Variants in PLA2R1 observed in about 807,000 individuals in gnomAD.
The protein encoded by PLA2R1 is secretory phospholipase A2 receptor.
In PLA2R1, 158 loss-of-function variants were observed where a neutral mutation model predicts 195.9. The ratio of observed to expected loss-of-function variants is 0.81; its 90% CI spans 0.71 to 0.92. The LOEUF is 0.92. PLA2R1 is among the 40% of genes least tolerant of loss of function. PLA2R1 has a pLI of 0.00. For missense variants in PLA2R1, 1,626 were observed against 1,764.6 expected, an observed-to-expected ratio of 0.92 and a Z score of 1.41; for synonymous variants, 586 against 598.2, an observed-to-expected ratio of 0.98 and a Z score of 0.30.
At chr2:159,989,484 A>G (rs914038276) in intron 11 of PLA2R1, among the ~76,000 whole-genome samples, 2 of 152,218 alleles carry the variant, frequency 1.3e-5, no homozygotes, top group Non-Finnish European at 2.9e-5. Context: ...ACTGCACAGC[A>G]CAGGCAGGAA....
intron 25 of PLA2R1, among the ~76,000 whole-genome samples, chr2:159,948,189 T>C (rs1206361027): frequency 6.6e-6 from 1 of 152,170 alleles, no homozygotes; most frequent in East Asian, 1.9e-4. Context: ...TTTCTTTATC[T>C]ATAAAAGAGA....
chr2:160,042,229 A>T, intron 2 of PLA2R1, 31 bp from the exon 3 acceptor site: 1 of 1,590,642 alleles, frequency 6.3e-7, no homozygotes, highest in Non-Finnish European at 8.6e-7. Flanking sequence ...AAGTCAGATA[A>T]GTATGATGTC....
chr2:159,947,863 T>C (rs1687483880), intron 25 of PLA2R1, among the ~76,000 whole-genome samples: 2 of 151,560 alleles, frequency 1.3e-5, no homozygotes, highest in African/African-American at 4.8e-5. Context: ...ATCCTAAAGG[T>C]TGGAACAAGC....
rs1686648916 is a variant in PLA2R1, at chr2:159,932,927, T to C, written c.*8851A>G. 6.6e-6 allele frequency: 1 copy of C among 151,310 alleles called. No homozygotes were observed. The highest frequency in any genetic ancestry group is 1.5e-5 in the Non-Finnish European group (1 of 67,910). The allele number at this position is 151,310 out of a possible 1,614,324, so 9.4% of individuals were successfully genotyped here. On this transcript the variant is annotated 3_prime_UTR_variant, in exon 30 of 30. Transcript: ENST00000283243. ...GGGAGAAACAGAAACACATTTTACA[T>C]TAATCTTGAAAAATCAATTTCCATT...
At chr2:160,055,602 C>A (rs1163097166) in intron 1 of PLA2R1, among the ~76,000 whole-genome samples, 2 of 152,184 alleles carry the variant, frequency 1.3e-5, no homozygotes, top group African/African-American at 4.8e-5. Flanking sequence ...ACAGAATGAA[C>A]CACACCATGG....
downstream of PLA2R1, among the ~76,000 whole-genome samples, chr2:159,928,271 A>G (rs368085177): frequency 2.1e-4 from 32 of 152,192 alleles, no homozygotes; most frequent in African/African-American, 6.5e-4. Context: ...CACCATGACA[A>G]GTTCCTCAGG....
intron 25 of PLA2R1, among the ~76,000 whole-genome samples, chr2:159,947,829 G>A (rs749646362): frequency 1.3e-5 from 2 of 152,140 alleles, no homozygotes; most frequent in Non-Finnish European, 2.9e-5. Flanking sequence ...GGGTGAGGGT[G>A]GCTCTTTCAT....
At chr2:160,040,133 T>C (rs1694433394) in intron 3 of PLA2R1, among the ~76,000 whole-genome samples, 1 of 151,828 alleles carries the variant, frequency 6.6e-6, no homozygotes, top group Admixed American at 6.5e-5. Flanking sequence ...AGTCAAGGGG[T>C]GTAGAGATCA....
intron 21 of PLA2R1, 141 bp from the exon 22 acceptor site, chr2:159,955,969 C>T: frequency 2.0e-6 from 1 of 508,816 alleles, no homozygotes; most frequent in Non-Finnish European, 3.4e-6. Flanking sequence ...GTTACTTTAT[C>T]CTTGTTAAGG....
In PLA2R1 at chr2:159,967,602, T is replaced by G; in HGVS notation, c.2841A>C (p.Lys947Asn). 6.2e-7 allele frequency: 1 copy of G among 1,613,790 alleles called. No individual in the cohort carries two copies. The highest frequency in any genetic ancestry group is 8.5e-7 in the Non-Finnish European group (1 of 1,179,738). Residue 947 changes from lysine (K) to asparagine (N), a missense_variant, in exon 20 of 30, where the codon AAA (lysine) becomes AAC (asparagine). Physicochemically the swap from Lys to Asn is moderately conservative, Grantham distance 94. Transcript: ENST00000283243. ...CATGTTGTTTTGGTGTATCTTTCTT[T>G]TTCTCTATGAGCCAAACCTTTTTTC... ...CKRKKVWLIE[K>N]KKDTPKQHGT... is the part of the protein sequence containing the mutation.
At chr2:159,956,310 G>T (rs887878381) in intron 21 of PLA2R1, among the ~76,000 whole-genome samples, 200 bp downstream of exon 21, 2 of 152,154 alleles carry the variant, frequency 1.3e-5, no homozygotes, top group African/African-American at 2.4e-5. Context: ...AAACCCAGCA[G>T]TTTATAAGCA....
At chr2:159,971,503 C>CACACACA (rs140019873) in intron 17 of PLA2R1, among the ~76,000 whole-genome samples, 1 of 74,400 alleles carries the variant, frequency 1.3e-5, no homozygotes, top group Non-Finnish European at 4.5e-5. Flanking sequence ...CACACACACA[C>CACACACA]ATTAGGGCAG....
chr2:159,972,345 T>C (rs1472506120), intron 17 of PLA2R1, among the ~76,000 whole-genome samples: 1 of 152,188 alleles, frequency 6.6e-6, no homozygotes, highest in Non-Finnish European at 1.5e-5. Flanking sequence ...AACATGTGTT[T>C]GCATAAAGAA....
intron 11 of PLA2R1, among the ~76,000 whole-genome samples, chr2:159,989,646 T>A (rs1047161403): frequency 6.6e-6 from 1 of 152,266 alleles, no homozygotes; most frequent in African/African-American, 2.4e-5. Context: ...TTCTCATGGG[T>A]TTTCATGAAG....
At chr2:159,960,973 C>T (rs1382676496) in intron 20 of PLA2R1, among the ~76,000 whole-genome samples, 1 of 152,162 alleles carries the variant, frequency 6.6e-6, no homozygotes, top group Non-Finnish European at 1.5e-5. Context: ...TCCCAGTTTT[C>T]CTTCTGTAGC....
intron 28 of PLA2R1, 54 bp downstream of exon 28, chr2:159,944,852 C>T (rs1687283909): frequency 7.5e-7 from 1 of 1,336,856 alleles, no homozygotes; most frequent in African/African-American, 1.5e-5. Context: ...AGAAGTCAGT[C>T]AACATTAGTT....
At chr2:159,931,949 G>T (rs1428043959), downstream of PLA2R1, 1 of 152,080 alleles carries the variant, frequency 6.6e-6, no homozygotes, top group East Asian at 1.9e-4. Context: ...TGACTTTTTT[G>T]ATTTCCTGAC....
At chr2:159,995,792 T>C (rs1438764557) in intron 11 of PLA2R1, among the ~76,000 whole-genome samples, 1 of 146,798 alleles carries the variant, frequency 6.8e-6, no homozygotes, top group East Asian at 2.0e-4. Flanking sequence ...GACAGCAAAA[T>C]TGAGCGCAAA....
At chr2:160,022,123 G>A (rs957845830) in intron 7 of PLA2R1, among the ~76,000 whole-genome samples, 4 of 152,100 alleles carry the variant, frequency 2.6e-5, no homozygotes, top group Non-Finnish European at 4.4e-5. Context: ...GTATTTTTCA[G>A]CATAAGTCTA....
Sources: allele counts gnomAD v4.1 joint callset (sites outside exome capture counted in the v4.1 genomes callset), GRCh38; gene constraint gnomAD v4.1.1; transcripts MANE v1.5; gene names NCBI Gene and HGNC (gene_info 2026-07-23, HGNC 2026-07-21).